FRMD5: variants seen among roughly 807,000 people sequenced by gnomAD.
FRMD5 encodes FERM domain containing 5, also known as FERM domain-containing protein 5.
Under a neutral mutation model 69.0 loss-of-function variants are expected in FRMD5, and 20 were observed. The observed-to-expected ratio is 0.29, with a 90% CI of 0.20 to 0.42. The LOEUF is 0.42. FRMD5 is among the 10% of genes least tolerant of loss of function. The probability of loss-of-function intolerance (pLI) is 1.00; values close to 1 mark genes in which losing one functional copy is unlikely to be tolerated. For synonymous variants in FRMD5, 271 were observed against 260.1 expected (o/e 1.04, Z -0.40); for missense variants, 595 against 708.6 (o/e 0.84, Z 1.82).
intron 1 of FRMD5, among the ~76,000 whole-genome samples, chr15:43,977,881 C>T (rs530127129): frequency 3.3e-5 from 5 of 152,250 alleles, no homozygotes; most frequent in East Asian, 3.9e-4. Context: ...AGGTCAACCT[C>T]GCCCATACCT....
At chr15:43,948,499 T>G (rs1024422446) in intron 1 of FRMD5, among the ~76,000 whole-genome samples, 1 of 152,234 alleles carries the variant, frequency 6.6e-6, no homozygotes, top group African/African-American at 2.4e-5. Context: ...TCCATTATAT[T>G]AAAATTTCTA....
intron 1 of FRMD5, among the ~76,000 whole-genome samples, chr15:43,994,819 G>A (rs1007967761): frequency 6.6e-6 from 1 of 152,178 alleles, no homozygotes; most frequent in Non-Finnish European, 1.5e-5. Context: ...TTCTGAATTT[G>A]ACTGTGTACT....
intron 7 of FRMD5, among the ~76,000 whole-genome samples, chr15:43,899,260 G>T (rs1016530065): frequency 1.9e-4 from 29 of 152,162 alleles, no homozygotes; most frequent in Non-Finnish European, 2.1e-4. Flanking sequence ...TTTGCTGGGA[G>T]AGCTGAGGAA....
chr15:44,078,170 G>GT (rs935367059), intron 1 of FRMD5, among the ~76,000 whole-genome samples: 1 of 152,032 alleles, frequency 6.6e-6, no homozygotes, highest in Non-Finnish European at 1.5e-5. Flanking sequence ...CATGATAACT[G>GT]TTTTTTCAAA....
Position 43,873,845 on chromosome 15 carries a change from T to C in FRMD5, c.*40A>G, listed in dbSNP as rs768936248. ...TGCTGGGAATGGGTAGCCGGGTTCC[T>C]TGGTCCACCTGGCTAGTTTTTGGGA... On this transcript the variant is annotated 3_prime_UTR_variant, in exon 14 of 14. Transcript: ENST00000417257. The C allele has an allele frequency of 6.2e-7, 1 of 1,605,638 alleles. No homozygotes were observed.
At chr15:43,953,072 G>A (rs780696926) in intron 1 of FRMD5, among the ~76,000 whole-genome samples, 7 of 152,168 alleles carry the variant, frequency 4.6e-5, no homozygotes, top group Non-Finnish European at 8.8e-5. Flanking sequence ...TTTCTCTACT[G>A]GTAATTCCGC....
At chr15:44,098,523 CAAA>C (rs10660236) in intron 1 of FRMD5, among the ~76,000 whole-genome samples, 5 of 105,290 alleles carry the variant, frequency 4.7e-5, no homozygotes, top group Admixed American at 9.9e-5. Context: ...GACTCTGTCT[CAAA>C]AAAAAAAAAA....
Position 44,094,909 on chromosome 15 carries a change from G to A in FRMD5, c.102+100044C>T, listed in dbSNP as rs370736849. 1.5e-3 allele frequency among the ~76,000 whole-genome samples: 234 copies of A among 152,142 alleles called. 2 individuals carry two copies. The highest frequency in any genetic ancestry group is 5.3e-3 in the African/African-American group (220 of 41,510). On this transcript the variant is annotated intron_variant, in intron 1 of 13. Coordinates refer to ENST00000417257, the MANE Select transcript of FRMD5 (RefSeq NM_032892.5). ...GGGACACATTGAAATGGCCTCTCTA[G>A]AAAGCTTTGACAAAATTATTATATC...
In FRMD5 at chr15:43,873,063, A is replaced by G. The variant is rs971016271; in HGVS notation, c.*822T>C. 1 of 975,212 alleles carries G rather than the reference A, an allele frequency of 1.0e-6. No individual in the cohort carries two copies. Among genetic ancestry groups the G allele is most frequent in the Non-Finnish European group, 1.6e-6 (1 of 639,328 alleles). The allele number at this position is 975,212 out of a possible 1,614,324, so 60.4% of individuals were successfully genotyped here. A position where few individuals can be genotyped will look rare whatever the true frequency, so the allele number is the denominator to read the frequency against. On this transcript the variant is annotated 3_prime_UTR_variant, in exon 14 of 14. Coordinates refer to ENST00000417257, the MANE Select transcript of FRMD5 (RefSeq NM_032892.5). The stretch of plus-strand genomic sequence containing the variant: ...ATTCGTTTAACGCCCCTGGAGCACT[A>G]TAAAAGTCTTGAGGTTCTTCGGAAA...
chr15:44,165,419 CTCAATCAA>C (rs776273680), intron 1 of FRMD5, among the ~76,000 whole-genome samples: 12 of 152,108 alleles, frequency 7.9e-5, no homozygotes, highest in Admixed American at 3.3e-4. Flanking sequence ...GAGACTCCAT[CTCAATCAA>C]TCAATCAATC....
chr15:44,192,695 A>G (rs73409809), intron 1 of FRMD5, among the ~76,000 whole-genome samples: 13,321 of 152,282 alleles, frequency 0.087, 893 homozygotes, highest in African/African-American at 0.18. Flanking sequence ...TTAATTTCAT[A>G]TAAGATACTG....
At position 43,873,333 on chromosome 15, in the gene FRMD5, G is replaced by A; in HGVS notation, c.*552C>T. On this transcript the variant is annotated 3_prime_UTR_variant, in exon 14 of 14. Coordinates refer to ENST00000417257, the MANE Select transcript of FRMD5 (RefSeq NM_032892.5). ...GGATGTTTACTTTTTTAAAAGTTCTGGCTGGCAAAAAAAACAAACAAAAAA... is the reference window on the plus strand; with the variant it reads ...GGATGTTTACTTTTTTAAAAGTTCTAGCTGGCAAAAAAAACAAACAAAAAA... 2.0e-6 allele frequency: 3 copies of A among 1,489,340 alleles called. No homozygotes were observed. Among genetic ancestry groups the A allele is most frequent in the South Asian group, 1.3e-5 (1 of 75,138 alleles). The allele number at this position is 1,489,340 out of a possible 1,614,324, so 92.3% of individuals were successfully genotyped here. A position where few individuals can be genotyped will look rare whatever the true frequency, so the allele number is the denominator to read the frequency against.
chr15:44,048,416 C>T (rs914777697), intron 1 of FRMD5, among the ~76,000 whole-genome samples: 18 of 152,060 alleles, frequency 1.2e-4, no homozygotes, highest in African/African-American at 4.3e-4. Context: ...GCTATCTTTT[C>T]ATTATTGAGT....
At chr15:43,995,376 G>C (rs542918886) in intron 1 of FRMD5, among the ~76,000 whole-genome samples, 1 of 152,324 alleles carries the variant, frequency 6.6e-6, no homozygotes, top group South Asian at 2.1e-4. Flanking sequence ...GCTACAAAGG[G>C]CTGAAGCCTG....
chr15:44,099,750 G>T (rs531259205), intron 1 of FRMD5, among the ~76,000 whole-genome samples: 1 of 152,216 alleles, frequency 6.6e-6, no homozygotes, highest in Admixed American at 6.5e-5. Flanking sequence ...GGCCAGCTCT[G>T]GGGTACTTTT....
rs77604908 is a variant in FRMD5 at position 43,992,009 on chromosome 15, A to G, written c.103-67700T>C. Reference sequence around the variant, plus strand: ...GAGAGAAACAGAAACTCTTTAAACTATAAGTTATTTGACGATAAGGTATCT... The same window carrying G: ...GAGAGAAACAGAAACTCTTTAAACTGTAAGTTATTTGACGATAAGGTATCT... On this transcript the variant is annotated intron_variant, in intron 1 of 13. Coordinates refer to ENST00000417257, the MANE Select transcript of FRMD5 (RefSeq NM_032892.5). Among the ~76,000 whole-genome samples, 747 of 152,362 alleles carry G rather than the reference A, an allele frequency of 4.9e-3. 12 individuals are homozygous for G. Among genetic ancestry groups the G allele is most frequent in the African/African-American group, 0.017 (715 of 41,584 alleles).
At chr15:44,120,688 A>ATT (rs2076936556) in intron 1 of FRMD5, among the ~76,000 whole-genome samples, 1 of 34,698 alleles carries the variant, frequency 2.9e-5, no homozygotes. Context: ...ACGCCCAGCT[A>ATT]ATTTTTTTTT....
At chr15:43,874,559 C>A in intron 13 of FRMD5, 97 bp from the exon 14 acceptor site, 1 of 827,152 alleles carries the variant, frequency 1.2e-6, no homozygotes, top group Non-Finnish European at 2.0e-6. Flanking sequence ...ATTCTGCACA[C>A]CCACATGACC....
chr15:44,118,785 C>CT (rs1336925747), intron 1 of FRMD5, among the ~76,000 whole-genome samples: 2 of 152,028 alleles, frequency 1.3e-5, no homozygotes, highest in African/African-American at 2.4e-5. Flanking sequence ...TTTCCTTTCT[C>CT]TTTTTTTAAA....
Sources: gnomAD v4.1 joint callset for allele counts (sites outside exome capture counted in the v4.1 genomes callset) on GRCh38, gnomAD v4.1.1 for gene constraint, MANE v1.5 for transcripts, NCBI Gene and HGNC (gene_info 2026-07-23, HGNC 2026-07-21) for gene names.